The following ATM variants were observed in gnomAD, a reference collection of about 807,000 sequenced individuals.
ATM encodes the protein serine-protein kinase ATM.
ATM carries 308 observed loss-of-function variants against 387.0 expected under a neutral mutation model. That is an observed-to-expected ratio of 0.80 (90% CI 0.73 to 0.87). The LOEUF is 0.87. Among genes scored for constraint, ATM ranks in the 40% least tolerant of loss-of-function variants. The pLI is 0.00. For synonymous variants in ATM, 1,156 were observed against 1,187.3 expected (o/e 0.97, Z 0.54); for missense variants, 3,312 against 3,560.9 (o/e 0.93, Z 1.78).
At position 108,292,758 on chromosome 11, in the gene ATM, C is replaced by A. The variant is rs748898098; in HGVS notation, c.4576C>A (p.Pro1526Thr). The A allele has an allele frequency of 1.2e-6, 2 of 1,613,978 alleles. No homozygotes were observed. The highest frequency in any genetic ancestry group is 8.5e-7 in the Non-Finnish European group (1 of 1,179,960). The stretch of plus-strand genomic sequence containing the variant: ...TCATGTTATTGTTGGTACACTTATA[C>A]CCCTTGTGTATGAGCAGGTGGAGGT... ...HLHVIVGTLI[P>T]LVYEQVEVQK... The change falls in exon 30 of 63, where the codon CCC becomes ACC. Residue 1526 changes from proline (P) to threonine (T), a missense_variant. This residue lies in a region of ATM where 1,791 missense variants were observed against 1,804.5 expected (regional missense o/e 0.99). Transcript: ENST00000675843.
Position 108,261,646 on chromosome 11 carries a change from G to A in ATM, c.2466+2571G>A, listed in dbSNP as rs532792768. Among the ~76,000 whole-genome samples, 120 of 152,268 alleles carry A rather than the reference G, an allele frequency of 7.9e-4. 1 individual carries two copies. Among genetic ancestry groups the A allele is most frequent in the Middle Eastern group, 3.4e-3 (1 of 294 alleles). On this transcript the variant is annotated intron_variant, in intron 16 of 62. Transcript: ENST00000675843. ...AAGCTGGATGGAGAATGACTTTGAC[G>A]AGCTGAGAGAAGAAGGCTTCAGACG...
At chr11:108,359,807 G>A (rs1334151027) in intron 61 of ATM, among the ~76,000 whole-genome samples, 3 of 151,928 alleles carry the variant, frequency 2.0e-5, no homozygotes, top group Admixed American at 2.0e-4. Context: ...GTGTGTAGAG[G>A]GAAATTTATA....
At chr11:108,224,270 C>T (rs983883928) in intron 1 of ATM, 2 of 152,242 alleles carry the variant, frequency 1.3e-5, no homozygotes, top group Admixed American at 1.3e-4. Flanking sequence ...ACTACAGAGG[C>T]CACACTCCTT....
At chr11:108,293,499 A>G in intron 31 of ATM, 22 bp downstream of exon 31, 2 of 1,577,736 alleles carry the variant, frequency 1.3e-6, no homozygotes, top group Non-Finnish European at 1.7e-6. Flanking sequence ...TTCATCATCT[A>G]CTATTTTTTA....
At chr11:108,277,171 G>C (rs1591625125) in intron 22 of ATM, among the ~76,000 whole-genome samples, 1 of 152,150 alleles carries the variant, frequency 6.6e-6, no homozygotes, top group African/African-American at 2.4e-5. Flanking sequence ...ACTGTGAGGG[G>C]AAAACATCCT....
chr11:108,269,804 G>T (rs925332435), intron 18 of ATM, among the ~76,000 whole-genome samples: 1 of 152,130 alleles, frequency 6.6e-6, no homozygotes, highest in Admixed American at 6.5e-5. Flanking sequence ...TCCCACCCTT[G>T]GTGAAAATGC....
chr11:108,253,944 A>G lies in ATM; in HGVS notation c.2029A>G (p.Ser677Gly), dbSNP rs568026188. The change falls in exon 13 of 63, where the codon AGT (serine) becomes GGT (glycine). Residue 677 changes from serine to glycine, a missense_variant. This residue lies in a region of ATM where 1,791 missense variants were observed against 1,804.5 expected (regional missense o/e 0.99). Transcript: ENST00000675843. ...ATGTGGTATAGAAAAGCACCAGTCC[A>G]GTATTGGCTTCTCTGTCCACCAGAA... ...RECGIEKHQS[S>G]IGFSVHQNLK... 6.2e-7 allele frequency: 1 copy of G among 1,614,126 alleles called. No individual in the cohort carries two copies. The highest frequency in any genetic ancestry group is 8.5e-7 in the Non-Finnish European group (1 of 1,179,984).
intron 13 of ATM, among the ~76,000 whole-genome samples, chr11:108,255,368 A>G (rs2080406594): frequency 6.6e-6 from 1 of 151,706 alleles, no homozygotes; most frequent in Admixed American, 6.6e-5. Context: ...AAAAAATCTG[A>G]ACATTTTGTG....
chr11:108,326,495 G>A (rs918482877), intron 47 of ATM, among the ~76,000 whole-genome samples: 1 of 152,006 alleles, frequency 6.6e-6, no homozygotes, highest in African/African-American at 2.4e-5. Context: ...ATTCAAGAAA[G>A]GTATGTGGGA....
intron 59 of ATM, among the ~76,000 whole-genome samples, chr11:108,349,166 C>G (rs2088860936): frequency 6.6e-6 from 1 of 152,112 alleles, no homozygotes. Flanking sequence ...TCTTGGAAGG[C>G]AAGAGGGGAA....
intron 4 of ATM, chr11:108,230,412 A>C (rs191037624): frequency 6.6e-6 from 1 of 152,218 alleles, no homozygotes; most frequent in African/African-American, 2.4e-5. Flanking sequence ...CGAGACTGTC[A>C]AAAAAAGAAA....
In ATM at chr11:108,295,538, T is replaced by C. The variant is rs544778484; in HGVS notation, c.4909+479T>C. On this transcript the variant is annotated intron_variant, in intron 32 of 62. Transcript: ENST00000675843. ...TTTTGTAGGGACAGGGGTCCCACTA[T>C]GTTGCCTAGGTTGGTCTCGAATTCT... 3.0e-5 allele frequency: 5 copies of C among 165,338 alleles called. No individual in the cohort carries two copies. In the East Asian group the frequency reaches 8.9e-4, roughly 29 times the overall value. 10.2% of individuals were successfully genotyped at this position (165,338 alleles called of 1,614,324 possible).
intron 31 of ATM, among the ~76,000 whole-genome samples, chr11:108,294,006 C>G (rs182596627): frequency 7.3e-5 from 11 of 150,420 alleles, no homozygotes; most frequent in Admixed American, 6.0e-4. Context: ...TAATGTATCT[C>G]TTTGCATTGA....
At chr11:108,306,445 T>C (rs1176635547) in intron 37 of ATM, among the ~76,000 whole-genome samples, 1 of 152,236 alleles carries the variant, frequency 6.6e-6, no homozygotes, top group Non-Finnish European at 1.5e-5. Context: ...TAATTTACAG[T>C]ACTATTAAAA....
rs144007163 is a variant in ATM at position 108,292,101 on chromosome 11, C to T, written c.4437-518C>T. On this transcript the variant is annotated intron_variant, in intron 29 of 62. Coordinates refer to ENST00000675843, the MANE Select transcript of ATM (RefSeq NM_000051.4). ...TATGAAGTTAAACAAAACAGAGCTA[C>T]GCACTTTACATCAGTCCTTGGTTCC... 6.4e-3 allele frequency among the ~76,000 whole-genome samples: 975 copies of T among 152,246 alleles called. 9 individuals carry two copies. The highest frequency in any genetic ancestry group is 0.02 in the African/African-American group (837 of 41,550).
chr11:108,331,818 GA>G (rs1169011675), intron 51 of ATM, 60 bp from the exon 52 acceptor site: 1 of 1,565,528 alleles, frequency 6.4e-7, no homozygotes, highest in African/African-American at 1.4e-5. Flanking sequence ...TAAGCAAAAT[GA>G]AAAATATGGA....
At chr11:108,334,115 T>C in intron 54 of ATM, 147 bp downstream of exon 54, 1 of 668,892 alleles carries the variant, frequency 1.5e-6, no homozygotes, top group Non-Finnish European at 2.6e-6. Context: ...CAGTATTATA[T>C]TTCCTTTGCC....
intron 14 of ATM, among the ~76,000 whole-genome samples, chr11:108,256,573 G>T (rs2080505569): frequency 1.3e-5 from 2 of 152,038 alleles, no homozygotes; most frequent in South Asian, 2.1e-4. Context: ...GAGCATGCAG[G>T]TTTGTTACAT....
intron 56 of ATM, among the ~76,000 whole-genome samples, chr11:108,342,368 CAT>C (rs768641698): frequency 2.0e-5 from 3 of 152,192 alleles, no homozygotes; most frequent in Middle Eastern, 3.4e-3. Flanking sequence ...AATATGCTCA[CAT>C]AGTTAGGATA....
Sources: gnomAD v4.1 joint callset for allele counts (sites outside exome capture counted in the v4.1 genomes callset) on GRCh38, gnomAD v4.1.1 for gene constraint, gnomAD v4.1.1 regional missense constraint, MANE v1.5 for transcripts, NCBI Gene and HGNC (gene_info 2026-07-23, HGNC 2026-07-21) for gene names.